GREB1: variants seen among roughly 807,000 people sequenced by gnomAD.
The protein encoded by GREB1 is growth regulating estrogen receptor binding 1, also known as protein GREB1.
GREB1 carries 106 observed loss-of-function variants against 200.7 expected under a neutral mutation model. The observed-to-expected ratio is 0.53, with a 90% CI of 0.45 to 0.62. The LOEUF (loss-of-function observed/expected upper bound fraction) is 0.62. Ranked by LOEUF, GREB1 falls within the 20% of genes least tolerant of loss-of-function variation. The pLI is 0.00. For missense variants in GREB1, 2,243 were observed against 2,556.8 expected, an observed-to-expected ratio of 0.88 and a Z score of 2.65; for synonymous variants, 1,132 against 1,092.4, an observed-to-expected ratio of 1.04 and a Z score of -0.72.
Position 11,600,835 on chromosome 2 carries a change from C to A in GREB1, c.2369C>A (p.Pro790Gln), listed in dbSNP as rs76644468. 2.5e-6 allele frequency: 4 copies of A among 1,614,032 alleles called. No individual in the cohort carries two copies. The highest frequency in any genetic ancestry group is 3.4e-6 in the Non-Finnish European group (4 of 1,179,930). The change falls in exon 16 of 33, where the codon CCG (proline) becomes CAG (glutamine). Residue 790 changes from proline to glutamine, a missense_variant. Physicochemically the swap from Pro to Gln is moderately conservative, Grantham distance 76 (BLOSUM62 -1). Around this residue, in one of 3 missense-constraint regions of GREB1, gnomAD observed 1,178 missense variants for 1,387.4 expected, o/e 0.85. Coordinates refer to ENST00000381486, the MANE Select transcript of GREB1 (RefSeq NM_014668.4). The stretch of plus-strand genomic sequence containing the variant: ...CATAACCTCTATTCTCAAAGTGACC[C>A]GTCGGTGGGATTGGTGGACCGATTG... The part of the protein sequence containing the change: ...TVHNLYSQSD[P>Q]SVGLVDRLLN...
chr2:11,599,519 A>AT (rs11367888), intron 15 of GREB1, among the ~76,000 whole-genome samples: 20,482 of 99,714 alleles, frequency 0.21, 2,250 homozygotes, highest in African/African-American at 0.24. Context: ...TCGTTTTTGT[A>AT]TTTTTTTTTT....
chr2:11,515,897 TG>T (rs1477654451), intron 1 of GREB1, among the ~76,000 whole-genome samples: 2 of 152,138 alleles, frequency 1.3e-5, no homozygotes, highest in Non-Finnish European at 2.9e-5. Context: ...TAGAGGCCCA[TG>T]TGGAGCTCCT....
chr2:11,614,384 C>T (rs1200595369), intron 19 of GREB1, among the ~76,000 whole-genome samples: 1 of 152,158 alleles, frequency 6.6e-6, no homozygotes, highest in Admixed American at 6.5e-5. Flanking sequence ...GCCTTCGCCT[C>T]TCAAAGTGCT....
chr2:11,549,839 C>T (rs1675638167), intron 1 of GREB1, among the ~76,000 whole-genome samples: 1 of 152,124 alleles, frequency 6.6e-6, no homozygotes, highest in African/African-American at 2.4e-5. Context: ...CTTTTAGTGT[C>T]TACCTTTTAT....
chr2:11,625,608 C>G (rs2148395496), intron 24 of GREB1, among the ~76,000 whole-genome samples: 1 of 152,302 alleles, frequency 6.6e-6, no homozygotes, highest in South Asian at 2.1e-4. Context: ...TGTATGTTTA[C>G]TTATTAATTT....
At chr2:11,538,678 TTTCTTTCTTTCC>T (rs1308659271) in intron 1 of GREB1, among the ~76,000 whole-genome samples, 1 of 35,164 alleles carries the variant, frequency 2.8e-5, no homozygotes, top group African/African-American at 7.6e-5. Context: ...TCTTTCTTTC[TTTCTTTCTTTCC>T]TTCCTCCCTC....
Position 11,609,242 on chromosome 2 carries a change from TTTTATTTATTTA to T in GREB1, c.2667-1417_2667-1406del, listed in dbSNP as rs60473726. Among the ~76,000 whole-genome samples, 889 of 136,918 alleles carry T rather than the reference TTTTATTTATTTA, an allele frequency of 6.5e-3. 4 individuals carry two copies. Among genetic ancestry groups the T allele is most frequent in the African/African-American group, 0.022 (822 of 36,796 alleles). The allele number at this position is 136,918 out of a possible 152,430, so 89.8% of individuals were successfully genotyped here. A position where few individuals can be genotyped will look rare whatever the true frequency, so the allele number is the denominator to read the frequency against. On this transcript the variant is annotated intron_variant, in intron 17 of 32. Transcript: ENST00000381486. ...CTTTCTTTCTTCCTGGGCATTATTA[TTTTATTTATTTA>T]TTTATTTATTTATTTATTTATTTAT...
At chr2:11,547,682 G>A (rs947358500) in intron 1 of GREB1, among the ~76,000 whole-genome samples, 3 of 152,026 alleles carry the variant, frequency 2.0e-5, no homozygotes, top group African/African-American at 7.3e-5. Flanking sequence ...CCCAATTCCT[G>A]CTTCCTAGAG....
In GREB1 at chr2:11,598,737, A is replaced by G; in HGVS notation, c.2210A>G (p.Gln737Arg). ...CACATGACGAAGCAGAGGGTGGAAC[A>G]GTATGTTCTGAAGCTAGACACGGAG... is the stretch of plus-strand genomic sequence containing the variant. The part of the protein sequence containing the change: ...KEHMTKQRVE[Q>R]YVLKLDTEAQ... Residue 737 changes from glutamine to arginine, a missense_variant, in exon 15 of 33, where the codon CAG becomes CGG. Gln to Arg is a conservative substitution (Grantham distance 43). This residue lies in a region of GREB1 where 1,178 missense variants were observed against 1,387.4 expected (regional missense o/e 0.85). Transcript: ENST00000381486. The G allele has an allele frequency of 6.2e-7, 1 of 1,614,236 alleles. No homozygotes were observed.
intron 10 of GREB1, among the ~76,000 whole-genome samples, chr2:11,592,383 A>G (rs1211146542): frequency 6.7e-6 from 1 of 149,438 alleles, no homozygotes; most frequent in African/African-American, 2.5e-5. Context: ...CAGCTTGAGG[A>G]CATATTCTTT....
At chr2:11,596,084 C>T (rs1681180975) in intron 12 of GREB1, 27 bp from the exon 13 acceptor site, 1 of 1,602,276 alleles carries the variant, frequency 6.2e-7, no homozygotes, top group Admixed American at 1.7e-5. Flanking sequence ...ACATCAAAAA[C>T]CCATTTGTTT....
intron 1 of GREB1, among the ~76,000 whole-genome samples, chr2:11,515,508 G>A (rs997635862): frequency 6.6e-6 from 1 of 152,132 alleles, no homozygotes; most frequent in Non-Finnish European, 1.5e-5. Context: ...TTGTGTTTCT[G>A]CCCCTCCGAG....
intron 1 of GREB1, among the ~76,000 whole-genome samples, chr2:11,498,825 C>G (rs1672955185): frequency 6.6e-6 from 1 of 152,190 alleles, no homozygotes; most frequent in African/African-American, 2.4e-5. Context: ...TGCAGACTCA[C>G]CGAAACTGCT....
intron 1 of GREB1, among the ~76,000 whole-genome samples, chr2:11,526,425 CATT>C (rs1673877363): frequency 6.6e-6 from 1 of 152,040 alleles, no homozygotes; most frequent in African/African-American, 2.4e-5. Context: ...TTAGTTTTCT[CATT>C]AGTAAAACAA....
At chr2:11,596,825 T>C (rs1681300632) in intron 13 of GREB1, among the ~76,000 whole-genome samples, 1 of 108,774 alleles carries the variant, frequency 9.2e-6, no homozygotes, top group Admixed American at 1.1e-4. Flanking sequence ...ATTGCAGGTG[T>C]GTACAGTGAA....
intron 1 of GREB1, among the ~76,000 whole-genome samples, chr2:11,535,463 A>G (rs16857593): frequency 0.25 from 37,757 of 151,922 alleles, 6,641 homozygotes; most frequent in African/African-American, 0.5. Flanking sequence ...TACCATGTTG[A>G]ATTAGAAGTT....
chr2:11,539,050 T>TCTCTC, intron 1 of GREB1, among the ~76,000 whole-genome samples: 1 of 141,746 alleles, frequency 7.1e-6, no homozygotes, highest in African/African-American at 2.6e-5. Context: ...TCTCTTCTCT[T>TCTCTC]CTCTTCTCTT....
Position 11,633,135 on chromosome 2 carries a change from G to A in GREB1, c.4991+72G>A. 6 of 1,473,040 alleles carry A rather than the reference G, an allele frequency of 4.1e-6. No homozygotes were observed. The Admixed American group carries it at 6.7e-5, about 17-fold the overall frequency. The allele number at this position is 1,473,040 out of a possible 1,614,324, so 91.2% of individuals were successfully genotyped here. A position where few individuals can be genotyped will look rare whatever the true frequency, so the allele number is the denominator to read the frequency against. The stretch of plus-strand genomic sequence containing the variant: ...ACCAACGAGTGTGCCCTCTTTGTAT[G>A]GGGAATGTGCCCACCCCTGGAAGAC... On this transcript the variant is annotated intron_variant, in intron 28 of 32. Coordinates refer to ENST00000381486, the MANE Select transcript of GREB1 (RefSeq NM_014668.4). This position sits in a 1 kb window ranked among gnomAD's most constrained non-coding sequence, Gnocchi z 4.1.
In GREB1 at chr2:11,562,736, C is replaced by T. The variant is rs113298755; in HGVS notation, c.277+154C>T. ...GAGGTGTGAGCCATGCCCCTGGGCC[C>T]GCAGCAGGTGCTGGCCCGGCCTGCC... On this transcript the variant is annotated intron_variant, in intron 3 of 32. Transcript: ENST00000381486. 3.1e-3 allele frequency: 2,636 copies of T among 842,224 alleles called. 54 individuals are homozygous for T. In the African/African-American group the frequency reaches 0.042, roughly 13 times the overall value. 52.2% of individuals were successfully genotyped at this position (842,224 alleles called of 1,614,324 possible). A position where few individuals can be genotyped will look rare whatever the true frequency, so the allele number is the denominator to read the frequency against.
Sources: gnomAD v4.1 joint callset for allele counts (sites outside exome capture counted in the v4.1 genomes callset) on GRCh38, gnomAD v4.1.1 for gene constraint, gnomAD v4.1.1 regional missense constraint, Gnocchi (gnomAD v3.1) non-coding constraint, MANE v1.5 for transcripts, NCBI Gene and HGNC (gene_info 2026-07-23, HGNC 2026-07-21) for gene names.